DLC1: variants seen among roughly 807,000 people sequenced by gnomAD.
DLC1 encodes DLC1 Rho GTPase activating protein, also known as rho GTPase-activating protein 7.
In DLC1, 54 loss-of-function variants were observed where a neutral mutation model predicts 140.3. The ratio of observed to expected loss-of-function variants is 0.38; its 90% CI spans 0.31 to 0.48. The LOEUF (loss-of-function observed/expected upper bound fraction) is 0.48. Ranked by LOEUF, DLC1 falls within the 20% of genes least tolerant of loss-of-function variation. The pLI, the probability that DLC1 is intolerant of heterozygous loss-of-function variation, is 0.96. For missense variants in DLC1, 2,536 were observed against 1,907.0 expected, an observed-to-expected ratio of 1.33 and a Z score of -6.14; for synonymous variants, 986 against 728.1, an observed-to-expected ratio of 1.35 and a Z score of -5.70.
chr8:13,191,694 A>G (rs191428178), intron 5 of DLC1, among the ~76,000 whole-genome samples: 2 of 152,230 alleles, frequency 1.3e-5, no homozygotes, highest in African/African-American at 2.4e-5. Flanking sequence ...GCCTAAATCT[A>G]TGGGACAAAC....
At chr8:13,524,555 C>T (rs1165694650) in intron 1 of DLC1, among the ~76,000 whole-genome samples, 1 of 152,162 alleles carries the variant, frequency 6.6e-6, no homozygotes, top group Admixed American at 6.6e-5. Context: ...GGCACATAGT[C>T]ATCTGCATGA....
intron 2 of DLC1, among the ~76,000 whole-genome samples, chr8:13,472,566 C>T (rs527954705): frequency 1.2e-4 from 18 of 152,056 alleles, no homozygotes; most frequent in Admixed American, 2.6e-4. Context: ...AGTAGTAGTC[C>T]CCTAGGACAT....
intron 2 of DLC1, among the ~76,000 whole-genome samples, chr8:13,401,852 A>G (rs1585045818): frequency 6.6e-6 from 1 of 152,320 alleles, no homozygotes; most frequent in East Asian, 1.9e-4. Context: ...GCAAAGTGCA[A>G]TGAAAAAAGA....
upstream of DLC1, among the ~76,000 whole-genome samples, chr8:13,515,159 A>T (rs554766783): frequency 1.3e-5 from 2 of 152,350 alleles, no homozygotes; most frequent in South Asian, 4.1e-4. Flanking sequence ...TTTCCACTAT[A>T]TTAAATGTAT....
At chr8:13,500,901 T>C (rs1481981852) in intron 1 of DLC1, among the ~76,000 whole-genome samples, 1 of 152,136 alleles carries the variant, frequency 6.6e-6, no homozygotes, top group Non-Finnish European at 1.5e-5. Context: ...TTTTGAAGCT[T>C]AAGGGAAATT....
chr8:13,115,548 A>T, intron 6 of DLC1, 38 bp downstream of exon 6: 1 of 1,583,668 alleles, frequency 6.3e-7, no homozygotes, highest in Non-Finnish European at 8.7e-7. Flanking sequence ...AGGGATTATG[A>T]TTATGCCAAC....
rs3066420 is a variant in DLC1, at chr8:13,537,648, C to CTTTTTTTTT, written c.-125-37461_-125-37453dup. Among the ~76,000 whole-genome samples, 38 of 90,356 alleles carry CTTTTTTTTT rather than the reference C, an allele frequency of 4.2e-4. 1 individual carries two copies. The highest frequency in any genetic ancestry group is 1.7e-3 in the African/African-American group (37 of 21,896). The allele number at this position is 90,356 out of a possible 152,430, so 59.3% of individuals were successfully genotyped here. A position where few individuals can be genotyped will look rare whatever the true frequency, so the allele number is the denominator to read the frequency against. On this transcript the variant is annotated intron_variant, in intron 1 of 1. Transcript: ENST00000631382. ...ATGGTAATAGTAACAACAGCTAACT[C>CTTTTTTTTT]TTTTTTTTTTTTTTTTTTTTTTTGA...
intron 4 of DLC1, among the ~76,000 whole-genome samples, chr8:13,318,557 C>T (rs1832951182): frequency 1.3e-5 from 2 of 152,164 alleles, no homozygotes; most frequent in Non-Finnish European, 2.9e-5. Context: ...CTCTTTTCTG[C>T]ACATATCCTT....
chr8:13,225,804 A>T (rs1356654337), intron 5 of DLC1, among the ~76,000 whole-genome samples: 2 of 151,862 alleles, frequency 1.3e-5, no homozygotes, highest in South Asian at 2.1e-4. Flanking sequence ...TTTAGTAGAG[A>T]TGGGGTTTCA....
intron 2 of DLC1, among the ~76,000 whole-genome samples, chr8:13,494,240 A>T (rs946719592): frequency 1.3e-5 from 2 of 152,248 alleles, no homozygotes; most frequent in Non-Finnish European, 2.9e-5. Flanking sequence ...GTATTCCTCA[A>T]TATTTATGTT....
At chr8:13,350,715 TAAAA>T (rs1022961573) in intron 4 of DLC1, among the ~76,000 whole-genome samples, 8 of 133,768 alleles carry the variant, frequency 6.0e-5, no homozygotes, top group Admixed American at 2.8e-4. Context: ...GACTCGATCT[TAAAA>T]AATAAATAAA....
chr8:13,166,314 C>A (rs559200630), intron 5 of DLC1, among the ~76,000 whole-genome samples: 2 of 152,202 alleles, frequency 1.3e-5, no homozygotes, highest in East Asian at 1.9e-4. Context: ...CTAATCACTT[C>A]GTGTTTGATT....
intron 4 of DLC1, among the ~76,000 whole-genome samples, chr8:13,313,790 TG>T (rs1260018855): frequency 2.6e-5 from 4 of 152,232 alleles, no homozygotes; most frequent in Non-Finnish European, 5.9e-5. Context: ...AAAACATTTT[TG>T]TTTTTTTTCT....
chr8:13,209,797 T>C (rs935621734), intron 5 of DLC1, among the ~76,000 whole-genome samples: 1 of 152,178 alleles, frequency 6.6e-6, no homozygotes, highest in East Asian at 1.9e-4. Flanking sequence ...TCTGCCATGA[T>C]TGTAAGCTTA....
At chr8:13,278,747 C>T (rs1831261292) in intron 5 of DLC1, among the ~76,000 whole-genome samples, 1 of 152,108 alleles carries the variant, frequency 6.6e-6, no homozygotes, top group South Asian at 2.1e-4. Context: ...GGAAGCTTTT[C>T]TACACCTAAA....
intron 5 of DLC1, among the ~76,000 whole-genome samples, chr8:13,252,544 T>C (rs975957463): frequency 3.3e-5 from 5 of 152,198 alleles, no homozygotes; most frequent in Non-Finnish European, 5.9e-5. Flanking sequence ...AATCTTACTG[T>C]ATTCTACCTT....
chr8:13,107,967 C>A (rs1006049084), intron 7 of DLC1, among the ~76,000 whole-genome samples: 1 of 152,036 alleles, frequency 6.6e-6, no homozygotes, highest in Non-Finnish European at 1.5e-5. Context: ...ATTGCTTGAA[C>A]CTGGGAGGCG....
chr8:13,273,457 A>G lies in DLC1; in HGVS notation c.1348+31812T>C, dbSNP rs560946455. Among the ~76,000 whole-genome samples the G allele has an allele frequency of 2.0e-5, 3 of 152,322 alleles. No individual in the cohort carries two copies. The South Asian group carries it at 6.2e-4, about 32-fold the overall frequency. On this transcript the variant is annotated intron_variant, in intron 5 of 17. Transcript: ENST00000276297. The stretch of plus-strand genomic sequence containing the variant: ...ACTCCTGTGGGATGTAACTGGGCAG[A>G]AAAAGGGGATCATATATAAAGGGGA...
intron 5 of DLC1, among the ~76,000 whole-genome samples, chr8:13,287,728 G>A (rs1386578210): frequency 1.3e-5 from 2 of 152,140 alleles, no homozygotes; most frequent in Non-Finnish European, 2.9e-5. Flanking sequence ...TTCACATCTG[G>A]CACCAAGACT....
Sources: gnomAD v4.1 joint callset for allele counts (sites outside exome capture counted in the v4.1 genomes callset) on GRCh38, gnomAD v4.1.1 for gene constraint, MANE v1.5 for transcripts, NCBI Gene and HGNC (gene_info 2026-07-23, HGNC 2026-07-21) for gene names.